GPC5: variants seen among roughly 807,000 people sequenced by gnomAD.
GPC5 encodes glypican 5.
Under a neutral mutation model 53.9 loss-of-function variants are expected in GPC5, and 47 were observed. The ratio of observed to expected loss-of-function variants is 0.87; its 90% CI spans 0.69 to 1.11. GPC5 has a LOEUF of 1.11. Among genes scored for constraint, GPC5 ranks in the 50% most tolerant of loss-of-function variants. The pLI is 0.00. For missense variants in GPC5, 748 were observed against 713.1 expected (o/e 1.05, Z -0.56); for synonymous variants, 286 against 263.3 (o/e 1.09, Z -0.84).
intron 2 of GPC5, among the ~76,000 whole-genome samples, chr13:91,535,001 T>C (rs576690558): frequency 6.6e-6 from 1 of 152,308 alleles, no homozygotes; most frequent in Non-Finnish European, 1.5e-5. Context: ...TGTGAACAAA[T>C]TCAAAATCCA....
intron 7 of GPC5, among the ~76,000 whole-genome samples, chr13:92,158,576 G>A (rs2041962540): frequency 6.6e-6 from 1 of 150,696 alleles, no homozygotes; most frequent in African/African-American, 2.4e-5. Context: ...GTCATCTTGT[G>A]TTCCTCCTCT....
chr13:91,747,031 C>T (rs938238017), intron 4 of GPC5, among the ~76,000 whole-genome samples: 10 of 152,154 alleles, frequency 6.6e-5, no homozygotes, highest in African/African-American at 2.4e-4. Flanking sequence ...ATAAGATAAA[C>T]ACCAATCTGT....
chr13:91,901,613 C>T (rs1228578240), intron 5 of GPC5, among the ~76,000 whole-genome samples: 2 of 151,988 alleles, frequency 1.3e-5, no homozygotes, highest in Non-Finnish European at 2.9e-5. Context: ...AATCTCTAGT[C>T]CTTGCTTTCA....
At chr13:92,854,003 A>T (rs1255074564) in intron 7 of GPC5, among the ~76,000 whole-genome samples, 2 of 152,012 alleles carry the variant, frequency 1.3e-5, no homozygotes, top group Admixed American at 1.3e-4. Flanking sequence ...TGTAGGGATC[A>T]TGGTTCTCCT....
At chr13:92,668,299 T>C (rs1332763389) in intron 7 of GPC5, among the ~76,000 whole-genome samples, 1 of 152,162 alleles carries the variant, frequency 6.6e-6, no homozygotes, top group Non-Finnish European at 1.5e-5. Flanking sequence ...TATTTTCCTC[T>C]TCCCATTTTA....
At chr13:91,486,386 A>G (rs966381630) in intron 2 of GPC5, 1 of 152,182 alleles carries the variant, frequency 6.6e-6, no homozygotes, top group African/African-American at 2.4e-5. Context: ...AACCTCCTTC[A>G]TATATTTGAG....
intron 7 of GPC5, among the ~76,000 whole-genome samples, chr13:92,790,406 G>A (rs972611262): frequency 6.6e-6 from 1 of 152,094 alleles, no homozygotes; most frequent in East Asian, 1.9e-4. Flanking sequence ...AGGCAACTAT[G>A]GTATTGCATT....
At chr13:92,068,702 C>G (rs747913050) in intron 6 of GPC5, among the ~76,000 whole-genome samples, 2 of 151,292 alleles carry the variant, frequency 1.3e-5, no homozygotes, top group Non-Finnish European at 3.0e-5. Context: ...ATAAGATTTT[C>G]TTTCATATTG....
At chr13:92,760,019 T>G (rs934240545) in intron 7 of GPC5, among the ~76,000 whole-genome samples, 1 of 152,150 alleles carries the variant, frequency 6.6e-6, no homozygotes, top group Non-Finnish European at 1.5e-5. Flanking sequence ...TAACATTGAC[T>G]GATTTGCACA....
chr13:91,412,036 C>T (rs1877833174), intron 1 of GPC5, among the ~76,000 whole-genome samples: 1 of 152,188 alleles, frequency 6.6e-6, no homozygotes, highest in South Asian at 2.1e-4. Context: ...CCTCTTACCC[C>T]TTTTGTGAAG....
At chr13:92,122,848 G>C (rs1784184206) in intron 6 of GPC5, among the ~76,000 whole-genome samples, 1 of 144,728 alleles carries the variant, frequency 6.9e-6, no homozygotes, top group African/African-American at 2.6e-5. Context: ...TCTTCAGAAT[G>C]GTTAAAATAT....
rs145188068 is a variant in GPC5 at position 91,744,094 on chromosome 13, A to G, written c.1155-12201A>G. Reference sequence around the variant, plus strand: ...AAAACCAAAGGATTTATAGTCTTCAATGTATTGGGTTTGTCTACATTTTCC... The same window carrying G: ...AAAACCAAAGGATTTATAGTCTTCAGTGTATTGGGTTTGTCTACATTTTCC... On this transcript the variant is annotated intron_variant, in intron 4 of 7. Transcript: ENST00000377067. Among the ~76,000 whole-genome samples the G allele has an allele frequency of 2.6e-5, 4 of 152,238 alleles. 1 individual carries two copies. The highest frequency in any genetic ancestry group is 1.9e-4 in the East Asian group (1 of 5,182).
intron 6 of GPC5, among the ~76,000 whole-genome samples, chr13:92,039,610 G>A (rs967838944): frequency 3.3e-5 from 5 of 152,302 alleles, no homozygotes; most frequent in Middle Eastern, 3.4e-3. Flanking sequence ...ACTACCACAG[G>A]CAGGGTCGCT....
At chr13:92,136,342 T>C (rs111811826) in intron 6 of GPC5, among the ~76,000 whole-genome samples, 3,854 of 152,262 alleles carry the variant, frequency 0.025, 168 homozygotes, top group African/African-American at 0.088. Context: ...CATATATTTA[T>C]AATTGCATGT....
intron 1 of GPC5, among the ~76,000 whole-genome samples, chr13:91,416,580 G>T (rs151136552): frequency 2.6e-5 from 4 of 151,784 alleles, no homozygotes; most frequent in African/African-American, 9.7e-5. Flanking sequence ...TTTACATTAC[G>T]CATTTCTCCT....
chr13:92,180,262 A>C (rs2042137172), intron 7 of GPC5, among the ~76,000 whole-genome samples: 1 of 152,188 alleles, frequency 6.6e-6, no homozygotes, highest in African/African-American at 2.4e-5. Context: ...TAGCTTTTTA[A>C]TTTCATTTCC....
intron 7 of GPC5, among the ~76,000 whole-genome samples, chr13:92,152,424 A>G (rs1229547864): frequency 6.6e-6 from 1 of 152,224 alleles, no homozygotes; most frequent in Non-Finnish European, 1.5e-5. Context: ...TCAGCATTCC[A>G]AGAGTGTCTA....
intron 7 of GPC5, among the ~76,000 whole-genome samples, chr13:92,296,686 G>A (rs943438677): frequency 1.7e-4 from 26 of 152,204 alleles, no homozygotes; most frequent in Non-Finnish European, 2.2e-4. Context: ...AGCGGGAACC[G>A]GGGCTGCGTG....
intron 7 of GPC5, among the ~76,000 whole-genome samples, chr13:92,861,688 G>T (rs1354595002): frequency 6.6e-6 from 1 of 151,888 alleles, no homozygotes; most frequent in Non-Finnish European, 1.5e-5. Flanking sequence ...GGTGTTTTTT[G>T]TTGTACCAAA....
Sources: allele counts gnomAD v4.1 joint callset (sites outside exome capture counted in the v4.1 genomes callset), GRCh38; gene constraint gnomAD v4.1.1; transcripts MANE v1.5; gene names NCBI Gene and HGNC (gene_info 2026-07-23, HGNC 2026-07-21).